Variants in RERE observed in about 807,000 individuals in gnomAD.
The protein encoded by RERE is arginine-glutamic acid dipeptide repeats protein.
In RERE, 40 loss-of-function variants were observed where a neutral mutation model predicts 146.1. The ratio of observed to expected loss-of-function variants is 0.27; its 90% CI spans 0.21 to 0.36. The LOEUF (loss-of-function observed/expected upper bound fraction) is 0.36, where lower values mean the gene tolerates loss of function less well. RERE is among the 10% of genes least tolerant of loss of function. RERE has a pLI of 1.00. For missense variants in RERE, 1,933 were observed against 2,138.7 expected (o/e 0.90, Z 1.90); for synonymous variants, 1,003 against 866.0 (o/e 1.16, Z -2.78).
intron 8 of RERE, among the ~76,000 whole-genome samples, chr1:8,505,297 A>G (rs980055360): frequency 4.6e-5 from 7 of 152,194 alleles, no homozygotes; most frequent in African/African-American, 1.7e-4. Flanking sequence ...AGAAATTGGT[A>G]ATTTTTATAT....
At chr1:8,629,456 G>A (rs1647010157) in intron 2 of RERE, among the ~76,000 whole-genome samples, 1 of 152,210 alleles carries the variant, frequency 6.6e-6, no homozygotes, top group Non-Finnish European at 1.5e-5. Flanking sequence ...AGCTGGGGAA[G>A]GAAGTCAGCC....
intron 1 of RERE, among the ~76,000 whole-genome samples, chr1:8,666,203 A>G (rs964678390): frequency 3.3e-5 from 5 of 152,230 alleles, no homozygotes; most frequent in Non-Finnish European, 5.9e-5. Flanking sequence ...GCAGTAGGAG[A>G]TGTTTTCCAC....
chr1:8,552,513 G>C (rs888068396), intron 6 of RERE, among the ~76,000 whole-genome samples: 2 of 151,486 alleles, frequency 1.3e-5, no homozygotes, highest in African/African-American at 4.9e-5. Context: ...TCTCAAAATT[G>C]AATTTATTTT....
chr1:8,593,702 CA>C (rs1247950019), intron 4 of RERE, among the ~76,000 whole-genome samples: 1 of 152,352 alleles, frequency 6.6e-6, no homozygotes, highest in East Asian at 1.9e-4. Flanking sequence ...GTGATTTTTA[CA>C]ATGTTAAACG....
At chr1:8,653,202 T>G (rs1336602698) in intron 2 of RERE, among the ~76,000 whole-genome samples, 1 of 152,194 alleles carries the variant, frequency 6.6e-6, no homozygotes, top group African/African-American at 2.4e-5. Context: ...CACACATATT[T>G]GACTACTATT....
At chr1:8,625,934 TG>T (rs1195128162) in intron 2 of RERE, among the ~76,000 whole-genome samples, 1 of 152,222 alleles carries the variant, frequency 6.6e-6, no homozygotes, top group African/African-American at 2.4e-5. Flanking sequence ...ATTCCCCAAC[TG>T]ATTTCTCTAC....
chr1:8,729,140 G>A (rs902186268), intron 1 of RERE, among the ~76,000 whole-genome samples: 4 of 149,506 alleles, frequency 2.7e-5, no homozygotes, highest in Admixed American at 1.3e-4. Context: ...TTGCACTCCA[G>A]CCTGGGCAAC....
In RERE at chr1:8,362,674, G is replaced by A. The variant is rs761191527; in HGVS notation, c.1902+9C>T. ...CAGAGTAGGCCCTACTATCCCCCCA[G>A]CACCTGACCTTGGCCGACTTCTTCA... On this transcript the variant is annotated intron_variant, in intron 16 of 22. Coordinates refer to ENST00000400908, the MANE Select transcript of RERE (RefSeq NM_001042681.2). 5 of 1,614,192 alleles carry A rather than the reference G, an allele frequency of 3.1e-6. No homozygotes were observed. The South Asian group carries it at 5.5e-5, about 18-fold the overall frequency.
intron 8 of RERE, among the ~76,000 whole-genome samples, chr1:8,500,054 G>A (rs1295564048): frequency 6.6e-6 from 1 of 152,210 alleles, no homozygotes; most frequent in African/African-American, 2.4e-5. Flanking sequence ...CTGGGAGGCG[G>A]AGGTTCCCGT....
At position 8,695,672 on chromosome 1, in the gene RERE, A is replaced by T. The variant is rs187426944; in HGVS notation, c.-144-39231T>A. Among the ~76,000 whole-genome samples the T allele has an allele frequency of 1.2e-3, 178 of 151,798 alleles. 1 individual carries two copies. Among genetic ancestry groups the T allele is most frequent in the African/African-American group, 2.2e-3 (89 of 41,370 alleles). ...GCTACTTGGGAGGCTGAGGCAGAGA[A>T]TCACTTGAACCTGGGAGGTGGAGGT... On this transcript the variant is annotated intron_variant, in intron 1 of 22. Transcript: ENST00000400908.
rs1284484 is a variant in RERE, at chr1:8,768,201, G to T, written c.-145+48959C>A. ...ATAATGTAAAAAGAACGTGTTTCTG[G>T]AGTCTTGATTTTCAGCTATACCTTA... On this transcript the variant is annotated intron_variant, in intron 1 of 22. Coordinates refer to ENST00000400908, the MANE Select transcript of RERE (RefSeq NM_001042681.2). 4.3e-3 allele frequency among the ~76,000 whole-genome samples: 655 copies of T among 152,180 alleles called. 2 individuals carry two copies. The highest frequency in any genetic ancestry group is 6.8e-3 in the Middle Eastern group (2 of 294).
At chr1:8,556,652 CG>C (rs1255902533) in intron 5 of RERE, 81 bp from the exon 6 acceptor site, 1 of 826,710 alleles carries the variant, frequency 1.2e-6, no homozygotes, top group African/African-American at 1.7e-5. Context: ...TTTTCTTTCA[CG>C]TTTACCACCC....
chr1:8,699,249 A>G (rs959172667), intron 1 of RERE, among the ~76,000 whole-genome samples: 3 of 152,220 alleles, frequency 2.0e-5, no homozygotes, highest in Admixed American at 6.5e-5. Context: ...CTGGTATGAG[A>G]AAACAGTCAC....
chr1:8,610,316 C>T (rs902230381), intron 4 of RERE, among the ~76,000 whole-genome samples: 1 of 152,052 alleles, frequency 6.6e-6, no homozygotes, highest in African/African-American at 2.4e-5. Context: ...TTGGGCCGGG[C>T]ACAGTGGCTC....
chr1:8,620,750 T>A (rs76174169), intron 3 of RERE, among the ~76,000 whole-genome samples: 104 of 151,936 alleles, frequency 6.8e-4, no homozygotes, highest in African/African-American at 2.4e-3. Context: ...TGCTTCTAAG[T>A]ACGTGCTGTC....
At chr1:8,749,746 A>G (rs552030906) in intron 1 of RERE, among the ~76,000 whole-genome samples, 10 of 152,304 alleles carry the variant, frequency 6.6e-5, no homozygotes, top group African/African-American at 2.4e-4. Context: ...ATGGAGGAAA[A>G]AAAATCTGTA....
At chr1:8,554,255 G>A (rs1645976683) in intron 6 of RERE, among the ~76,000 whole-genome samples, 2 of 152,178 alleles carry the variant, frequency 1.3e-5, no homozygotes, top group South Asian at 2.1e-4. Context: ...AAGCATTTAT[G>A]TCAAAACATG....
intron 12 of RERE, among the ~76,000 whole-genome samples, chr1:8,394,298 C>A (rs960505645): frequency 6.6e-6 from 1 of 152,188 alleles, no homozygotes; most frequent in African/African-American, 2.4e-5. Flanking sequence ...TGGAAGTATG[C>A]TAAACATACT....
At chr1:8,815,460 AAGCAATGAG>A (rs1641892465) in intron 1 of RERE, among the ~76,000 whole-genome samples, 1 of 152,262 alleles carries the variant, frequency 6.6e-6, no homozygotes, top group Non-Finnish European at 1.5e-5. Flanking sequence ...AGAAATACAA[AAGCAATGAG>A]AGCTGAACGT....
Sources: gnomAD v4.1 joint callset for allele counts (sites outside exome capture counted in the v4.1 genomes callset) on GRCh38, gnomAD v4.1.1 for gene constraint, MANE v1.5 for transcripts, NCBI Gene and HGNC (gene_info 2026-07-23, HGNC 2026-07-21) for gene names.